Variants in RBFOX1 observed in about 807,000 individuals in gnomAD.
RBFOX1 encodes the protein RNA binding protein fox-1 homolog 1.
RBFOX1 carries 8 observed loss-of-function variants against 57.7 expected under a neutral mutation model. The observed-to-expected ratio is 0.14, with a 90% CI of 0.08 to 0.25. RBFOX1 has a LOEUF of 0.25. RBFOX1 is among the 10% of genes least tolerant of loss of function. The pLI, the probability that RBFOX1 is intolerant of heterozygous loss-of-function variation, is 1.00. For missense variants in RBFOX1, 611 were observed against 548.5 expected (o/e 1.11, Z -1.14); for synonymous variants, 326 against 222.4 (o/e 1.47, Z -4.15).
intron 3 of RBFOX1, among the ~76,000 whole-genome samples, chr16:7,051,084 A>G (rs1267635508): frequency 2.0e-5 from 3 of 152,320 alleles, no homozygotes; most frequent in African/African-American, 7.2e-5. Flanking sequence ...AACTTACAGT[A>G]TATTGTCTGG....
chr16:6,457,316 C>T (rs910887898), intron 2 of RBFOX1, among the ~76,000 whole-genome samples: 4 of 151,908 alleles, frequency 2.6e-5, no homozygotes, highest in African/African-American at 9.7e-5. Context: ...GGGTCCCTTG[C>T]CAATGGAAGC....
At chr16:7,189,348 C>A (rs960269590) in intron 4 of RBFOX1, among the ~76,000 whole-genome samples, 32 of 148,922 alleles carry the variant, frequency 2.1e-4, no homozygotes, top group African/African-American at 7.6e-4. Context: ...ATGGTGTGAA[C>A]CCGGGAGGTG....
At chr16:6,108,193 C>G (rs1236211908) in intron 1 of RBFOX1, among the ~76,000 whole-genome samples, 1 of 152,022 alleles carries the variant, frequency 6.6e-6, no homozygotes, top group African/African-American at 2.4e-5. Flanking sequence ...ATATACATGT[C>G]TCTGTTGTTT....
rs530198441 is a variant in RBFOX1 at position 5,420,410 on chromosome 16, A to T, written c.220-46806A>T. On this transcript the variant is annotated intron_variant, in intron 1 of 2. Coordinates refer to the RBFOX1 transcript ENST00000585867. ...CCCATATACACACACACACACACAC[A>T]CTCTCAGGTTCACACAGTCACACAC... 9.6e-3 allele frequency among the ~76,000 whole-genome samples: 1,376 copies of T among 143,994 alleles called. 22 individuals carry two copies. The highest frequency in any genetic ancestry group is 0.034 in the African/African-American group (1,327 of 38,622). 94.5% of individuals were successfully genotyped at this position (143,994 alleles called of 152,430 possible).
At chr16:5,379,325 T>C (rs1251997785) in intron 1 of RBFOX1, among the ~76,000 whole-genome samples, 2 of 151,620 alleles carry the variant, frequency 1.3e-5, no homozygotes, top group African/African-American at 2.4e-5. Context: ...ATTTTATCTT[T>C]CCACATTCAG....
rs561267554 is a variant in RBFOX1 at position 7,020,207 on chromosome 16, T to G, written c.-15-31850T>G. Among the ~76,000 whole-genome samples, 3 of 152,126 alleles carry G rather than the reference T, an allele frequency of 2.0e-5. 1 individual carries two copies. In the South Asian group the frequency reaches 6.2e-4, roughly 32 times the overall value. ...AATCTAAAATATTTTCTTTTTTTTC[T>G]TTGTTTCTTTGTTTCTTTCTTTATT... On this transcript the variant is annotated intron_variant, in intron 3 of 15. Transcript: ENST00000550418.
In RBFOX1 at chr16:7,170,225, G is replaced by A. The variant is rs61098777; in HGVS notation, c.27+118127G>A. On this transcript the variant is annotated intron_variant, in intron 4 of 15. Coordinates refer to ENST00000550418, the MANE Select transcript of RBFOX1 (RefSeq NM_018723.4). ...CAGATTAATACTTTTTAAAACAATA[G>A]CAATAATAACAGTAACAATTTATCC... is the stretch of plus-strand genomic sequence containing the variant. Among the ~76,000 whole-genome samples the A allele has an allele frequency of 1.4e-4, 21 of 152,176 alleles. No individual in the cohort carries two copies. In the East Asian group the frequency reaches 4.1e-3, roughly 29 times the overall value.
intron 1 of RBFOX1, among the ~76,000 whole-genome samples, chr16:5,463,647 A>C (rs2068861316): frequency 6.6e-6 from 1 of 152,070 alleles, no homozygotes; most frequent in Admixed American, 6.5e-5. Flanking sequence ...TAAAAATACA[A>C]AAATTAGCCA....
chr16:5,434,134 G>T (rs1273122755), intron 1 of RBFOX1, among the ~76,000 whole-genome samples: 2 of 152,126 alleles, frequency 1.3e-5, no homozygotes, highest in Non-Finnish European at 2.9e-5. Flanking sequence ...TGTCCTGCCA[G>T]TCATAGCTGC....
intron 4 of RBFOX1, among the ~76,000 whole-genome samples, chr16:7,311,416 G>C (rs2096303745): frequency 6.6e-6 from 1 of 150,934 alleles, no homozygotes; most frequent in Non-Finnish European, 1.5e-5. Context: ...GGATTTAAGT[G>C]ACTCCAATTT....
chr16:6,342,187 T>C lies in RBFOX1; in HGVS notation c.-64+25130T>C, dbSNP rs150758240. 1.6e-3 allele frequency among the ~76,000 whole-genome samples: 246 copies of C among 152,206 alleles called. 4 individuals are homozygous for C. Among genetic ancestry groups the C allele is most frequent in the African/African-American group, 5.7e-3 (236 of 41,546 alleles). On this transcript the variant is annotated intron_variant, in intron 2 of 15. Transcript: ENST00000550418. ...ATTTCAAAGGATCACTCTGCTGCAATGTGGGAATGGAGGCAAGCTTGTGTA... is the reference window on the plus strand; with the variant it reads ...ATTTCAAAGGATCACTCTGCTGCAACGTGGGAATGGAGGCAAGCTTGTGTA...
At position 7,218,649 on chromosome 16, in the gene RBFOX1, T is replaced by TGC. The variant is rs1567757123; in HGVS notation, c.27+166552_27+166553insCG. Among the ~76,000 whole-genome samples, 1,295 of 148,824 alleles carry TGC rather than the reference T, an allele frequency of 8.7e-3. 32 individuals are homozygous for TGC. Among genetic ancestry groups the TGC allele is most frequent in the African/African-American group, 0.026 (1,050 of 40,720 alleles). On this transcript the variant is annotated intron_variant, in intron 4 of 15. Transcript: ENST00000550418. Reference sequence around the variant, plus strand: ...TTTGCTGTGTGTGTGTGTGTGTGTGTGTGTGTGTGTGTGTGTGTGTGTGTG... The same window carrying TGC: ...TTTGCTGTGTGTGTGTGTGTGTGTGTGCGTGTGTGTGTGTGTGTGTGTGTGTG...
At chr16:6,483,420 G>C (rs1036312019) in intron 2 of RBFOX1, 75 of 1,535,258 alleles carry the variant, frequency 4.9e-5, no homozygotes, top group Non-Finnish European at 6.5e-5. Flanking sequence ...CTAGCACGTG[G>C]GTGCCGTTTG....
chr16:7,183,680 G>C (rs889654501), intron 4 of RBFOX1, among the ~76,000 whole-genome samples: 2 of 152,100 alleles, frequency 1.3e-5, no homozygotes, highest in Admixed American at 1.3e-4. Context: ...GATATCTTCA[G>C]GCAGAAATTT....
At chr16:7,516,702 T>C (rs1455749510) in intron 4 of RBFOX1, among the ~76,000 whole-genome samples, 5 of 152,368 alleles carry the variant, frequency 3.3e-5, no homozygotes, top group Non-Finnish European at 7.3e-5. Context: ...AAGAGCCTGA[T>C]GGGAATGATT....
chr16:5,678,670 C>T (rs1326359572), intron 3 of RBFOX1, among the ~76,000 whole-genome samples: 2 of 152,194 alleles, frequency 1.3e-5, no homozygotes, highest in Non-Finnish European at 2.9e-5. Context: ...GCTGAGGTCT[C>T]TGCTCTTCCT....
chr16:6,785,638 A>G (rs2081827420), intron 3 of RBFOX1, among the ~76,000 whole-genome samples: 1 of 152,156 alleles, frequency 6.6e-6, no homozygotes, highest in Non-Finnish European at 1.5e-5. Flanking sequence ...ACCATCAGAA[A>G]CACTTACCTA....
At chr16:5,542,055 C>A (rs1374766655) in intron 2 of RBFOX1, among the ~76,000 whole-genome samples, 1 of 152,060 alleles carries the variant, frequency 6.6e-6, no homozygotes, top group Non-Finnish European at 1.5e-5. Context: ...TTTCTTTAAA[C>A]TGGCCAAAGA....
chr16:5,989,810 T>C (rs1384569442), intron 4 of RBFOX1, among the ~76,000 whole-genome samples: 3 of 145,156 alleles, frequency 2.1e-5, no homozygotes, highest in East Asian at 4.0e-4. Context: ...CACCGAACTC[T>C]TTATAAGAAA....
Sources: gnomAD v4.1 joint callset for allele counts (sites outside exome capture counted in the v4.1 genomes callset) on GRCh38, gnomAD v4.1.1 for gene constraint, MANE v1.5 for transcripts, NCBI Gene and HGNC (gene_info 2026-07-23, HGNC 2026-07-21) for gene names.